EVC2: variants seen among roughly 807,000 people sequenced by gnomAD.
The protein encoded by EVC2 is EvC ciliary complex subunit 2, also known as limbin.
EVC2 carries 148 observed loss-of-function variants against 149.3 expected under a neutral mutation model. The ratio of observed to expected loss-of-function variants is 0.99; its 90% confidence interval spans 0.87 to 1.14. The LOEUF is 1.14. EVC2 is among the 50% of genes most tolerant of loss of function. The probability of loss-of-function intolerance (pLI) is 0.00; values close to 1 mark genes in which losing one functional copy is unlikely to be tolerated. For synonymous variants in EVC2, 776 were observed against 649.9 expected, an observed-to-expected ratio of 1.19 and a Z score of -2.95; for missense variants, 1,854 against 1,627.3, an observed-to-expected ratio of 1.14 and a Z score of -2.40.
intron 15 of EVC2, among the ~76,000 whole-genome samples, chr4:5,617,611 A>T (rs1715356393): frequency 6.6e-6 from 1 of 152,130 alleles, no homozygotes; most frequent in Non-Finnish European, 1.5e-5. Context: ...AAATAATGAA[A>T]CCCAGCATGT....
chr4:5,649,570 C>A (rs1717965394), intron 9 of EVC2, among the ~76,000 whole-genome samples: 1 of 152,190 alleles, frequency 6.6e-6, no homozygotes, highest in South Asian at 2.1e-4. Flanking sequence ...GGTGTCAGAA[C>A]AAAATTAGGA....
chr4:5,626,332 T>G (rs894797791), intron 12 of EVC2, among the ~76,000 whole-genome samples: 6 of 49,840 alleles, frequency 1.2e-4, no homozygotes, highest in African/African-American at 6.5e-4. Flanking sequence ...GTTCTTCTTG[T>G]TTTTTTTTTT....
chr4:5,534,284 T>G, the EVC2 span, among the ~76,000 whole-genome samples: 1 of 152,194 alleles, frequency 6.6e-6, no homozygotes, highest in Non-Finnish European at 1.5e-5. Context: ...TTGTGGGTGC[T>G]GTTCACTGCC....
rs543894461 is a variant in EVC2 at position 5,583,826 on chromosome 4, T to C, written c.3057+797A>G. The stretch of plus-strand genomic sequence containing the variant: ...TCAATTCTATGGTAGTTTTGTTTTT[T>C]ATTTTGTTTATGCTGTACTTCAGAA... On this transcript the variant is annotated intron_variant, in intron 17 of 21. Transcript: ENST00000344408. Among the ~76,000 whole-genome samples the C allele has an allele frequency of 1.9e-3, 292 of 151,878 alleles. No homozygotes were observed. In the Middle Eastern group the frequency reaches 0.024, roughly 12 times the overall value.
At position 5,576,375 on chromosome 4, in the gene EVC2, C is replaced by A. The variant is rs1315238843; in HGVS notation, c.3137G>T (p.Ser1046Ile). 1.2e-6 allele frequency: 2 copies of A among 1,614,134 alleles called. No individual in the cohort carries two copies. The highest frequency in any genetic ancestry group is 1.7e-6 in the Non-Finnish European group (2 of 1,180,004). The change falls in exon 18 of 22, where the codon AGC becomes ATC. Residue 1046 changes from serine to isoleucine, a missense_variant. Transcript: ENST00000344408. This position sits in a 1 kb window ranked among gnomAD's most constrained non-coding sequence, Gnocchi z 4.5. ...CCCATCGGCCACCCACTGCTGCCAG[C>A]TCGCCAGGGCCTGCTGCTGCTGGGC... is the stretch of plus-strand genomic sequence containing the variant. Reference protein sequence around the residue: ...EAAQQQQALASWQQWVADGPG... With the variant: ...EAAQQQQALAIWQQWVADGPG...
chr4:5,635,612 G>A (rs116505921), intron 10 of EVC2, among the ~76,000 whole-genome samples: 2,523 of 152,288 alleles, frequency 0.017, 24 homozygotes, highest in Non-Finnish European at 0.023. Flanking sequence ...GTGAAATCAC[G>A]CTCGAAAGTG....
intron 20 of EVC2, 30 bp downstream of exon 20, chr4:5,568,414 C>A: frequency 6.5e-7 from 1 of 1,537,004 alleles, no homozygotes; most frequent in Non-Finnish European, 8.7e-7. Flanking sequence ...AGGGACGTGC[C>A]CCGGGAGGCA....
At chr4:5,665,436 G>A in intron 8 of EVC2, 79 bp downstream of exon 8, 3 of 1,604,694 alleles carry the variant, frequency 1.9e-6, no homozygotes. Flanking sequence ...GGGGATCCAG[G>A]GCTGAGACCC....
chr4:5,562,339 G>A (rs534753097), downstream of EVC2: 26 of 634,550 alleles, frequency 4.1e-5, no homozygotes, highest in Admixed American at 1.7e-4. The surrounding 1 kb of genome is among the most constrained non-coding windows in gnomAD (Gnocchi z 4.3). Context: ...GATAGAGGGC[G>A]AATCTCTCTA....
intron 8 of EVC2, among the ~76,000 whole-genome samples, chr4:5,664,481 C>G (rs578190788): frequency 2.0e-5 from 3 of 152,330 alleles, no homozygotes; most frequent in Admixed American, 6.5e-5. Flanking sequence ...GACATCAAAG[C>G]AGCAGGGTGC....
At chr4:5,682,837 C>T (rs1345566862) in intron 6 of EVC2, among the ~76,000 whole-genome samples, 4 of 147,668 alleles carry the variant, frequency 2.7e-5, no homozygotes, top group Non-Finnish European at 5.9e-5. Context: ...CCAGCCTGGG[C>T]GACAGGAGTG....
At position 5,696,934 on chromosome 4, in the gene EVC2, T is replaced by A. The variant is rs1265456134; in HGVS notation, c.283+659A>T. Among the ~76,000 whole-genome samples the A allele has an allele frequency of 2.0e-5, 3 of 152,158 alleles. No individual in the cohort carries two copies. The highest frequency in any genetic ancestry group is 7.2e-5 in the African/African-American group (3 of 41,440). ...ATTAAGGGCTTCGAGATGGGGAGAT[T>A]GCCTGGATTATCCTGGTGGGCCCTA... On this transcript the variant is annotated intron_variant, in intron 2 of 21. Transcript: ENST00000344408. This position sits in a 1 kb window ranked among gnomAD's most constrained non-coding sequence, Gnocchi z 4.1.
rs113985425 is a variant in EVC2 at position 5,614,342 on chromosome 4, C to G, written c.2829+1080G>C. ...GCTCGCCTCTACTGGAGAGCAGGGA[C>G]CAGGGCTGCCTCAGTCACTGCTGCA... On this transcript the variant is annotated intron_variant, in intron 16 of 21. Coordinates refer to ENST00000344408, the MANE Select transcript of EVC2 (RefSeq NM_147127.5). This position sits in a 1 kb window ranked among gnomAD's most constrained non-coding sequence, Gnocchi z 4.7. Among the ~76,000 whole-genome samples the G allele has an allele frequency of 6.6e-6, 1 of 152,186 alleles. No homozygotes were observed. The highest frequency in any genetic ancestry group is 2.4e-5 in the African/African-American group (1 of 41,438).
intron 19 of EVC2, among the ~76,000 whole-genome samples, chr4:5,573,815 T>A (rs1722767389): frequency 6.6e-6 from 1 of 152,108 alleles, no homozygotes; most frequent in African/African-American, 2.4e-5. Context: ...TCTTAGAGGC[T>A]GGGGGGCAAA....
chr4:5,663,300 G>A lies in EVC2; in HGVS notation c.1006-54C>T, dbSNP rs73798106. 12,445 of 1,611,140 alleles carry A rather than the reference G, an allele frequency of 7.7e-3. 716 individuals carry two copies. In the African/African-American group the frequency reaches 0.14, roughly 18 times the overall value. ...GATTGGGCCTTCTTGTGAATTCCAC[G>A]TGCTGAGAAAGCCAGGAGGGAAGGC... On this transcript the variant is annotated intron_variant, in intron 8 of 21. Coordinates refer to ENST00000344408, the MANE Select transcript of EVC2 (RefSeq NM_147127.5).
At position 5,590,690 on chromosome 4, in the gene EVC2, A is replaced by T. The variant is rs150117467; in HGVS notation, c.2830-5840T>A. On this transcript the variant is annotated intron_variant, in intron 16 of 21. Coordinates refer to ENST00000344408, the MANE Select transcript of EVC2 (RefSeq NM_147127.5). ...AGGGTTTTAGTGTCCTCTTCTTCAC[A>T]TTCTGATGTCAGAAGGTAGAAAACA... Among the ~76,000 whole-genome samples, 646 of 152,282 alleles carry T rather than the reference A, an allele frequency of 4.2e-3. 7 individuals are homozygous for T. Among genetic ancestry groups the T allele is most frequent in the Middle Eastern group, 0.01 (3 of 292 alleles).
intron 21 of EVC2, among the ~76,000 whole-genome samples, chr4:5,549,562 G>T (rs933926071): frequency 6.6e-6 from 1 of 152,130 alleles, no homozygotes; most frequent in Non-Finnish European, 1.5e-5. Context: ...TTCACGATCC[G>T]CTTACTTAGC....
chr4:5,574,800 T>C, intron 18 of EVC2, 28 bp from the exon 19 acceptor site: 1 of 1,605,346 alleles, frequency 6.2e-7, no homozygotes, highest in Non-Finnish European at 8.5e-7. Context: ...TATACGTAAG[T>C]TCAGTTTTGT....
At position 5,696,666 on chromosome 4, in the gene EVC2, G is replaced by C. The variant is rs1287986590; in HGVS notation, c.283+927C>G. Among the ~76,000 whole-genome samples the C allele has an allele frequency of 6.6e-6, 1 of 152,206 alleles. No homozygotes were observed. Among genetic ancestry groups the C allele is most frequent in the Non-Finnish European group, 1.5e-5 (1 of 68,044 alleles). ...CAGAGGAAAGCAGGGCGGCTGAGAG[G>C]GAAGGAGAAAGGCAGAGCCGTAGGA... On this transcript the variant is annotated intron_variant, in intron 2 of 21. Coordinates refer to ENST00000344408, the MANE Select transcript of EVC2 (RefSeq NM_147127.5). The surrounding 1 kb of genome is among the most constrained non-coding windows in gnomAD (Gnocchi z 4.1).
Sources: gnomAD v4.1 joint callset for allele counts (sites outside exome capture counted in the v4.1 genomes callset) on GRCh38, gnomAD v4.1.1 for gene constraint, Gnocchi (gnomAD v3.1) non-coding constraint, MANE v1.5 for transcripts, NCBI Gene and HGNC (gene_info 2026-07-23, HGNC 2026-07-21) for gene names.